ANKS1B: variants seen among roughly 807,000 people sequenced by gnomAD.
ANKS1B encodes the protein ankyrin repeat and sterile alpha motif domain containing 1B.
In ANKS1B, 36 loss-of-function variants were observed where a neutral mutation model predicts 148.3. The observed-to-expected ratio is 0.24, with a 90% CI of 0.19 to 0.32. ANKS1B has a LOEUF of 0.32. Ranked by LOEUF, ANKS1B falls within the 10% of genes least tolerant of loss-of-function variation. The pLI is 1.00. For synonymous variants in ANKS1B, 542 were observed against 560.8 expected (o/e 0.97, Z 0.47); for missense variants, 1,157 against 1,542.6 (o/e 0.75, Z 4.19).
At chr12:99,665,162 T>TA (rs1348974631) in intron 8 of ANKS1B, among the ~76,000 whole-genome samples, 2 of 152,210 alleles carry the variant, frequency 1.3e-5, no homozygotes, top group African/African-American at 2.4e-5. Flanking sequence ...ACACGGTAAA[T>TA]GCATCAAACT....
intron 14 of ANKS1B, among the ~76,000 whole-genome samples, chr12:99,191,806 A>G (rs1201638738): frequency 6.6e-6 from 1 of 152,150 alleles, no homozygotes; most frequent in Non-Finnish European, 1.5e-5. Flanking sequence ...ACAAACCTGC[A>G]TGTTCTCCAC....
At chr12:99,655,420 CTT>C (rs2098445380) in intron 8 of ANKS1B, among the ~76,000 whole-genome samples, 1 of 151,796 alleles carries the variant, frequency 6.6e-6, no homozygotes, top group Admixed American at 6.6e-5. Flanking sequence ...GTGTGAAAGA[CTT>C]ATAAAATAAT....
At chr12:99,653,678 CTTTTTT>C (rs199988255) in intron 9 of ANKS1B, among the ~76,000 whole-genome samples, 2 of 113,580 alleles carry the variant, frequency 1.8e-5, no homozygotes, top group Non-Finnish European at 3.7e-5. Context: ...TTCTTTCTTT[CTTTTTT>C]TTTTTTTTTT....
intron 17 of ANKS1B, 111 bp from the exon 18 acceptor site, chr12:98,832,247 T>C: frequency 2.5e-6 from 2 of 786,968 alleles, no homozygotes; most frequent in African/African-American, 1.7e-5. Flanking sequence ...TCCTGCACCA[T>C]GAGATGTGGT....
At chr12:98,887,010 CTCAG>C (rs1423160606) in intron 17 of ANKS1B, among the ~76,000 whole-genome samples, 2 of 152,030 alleles carry the variant, frequency 1.3e-5, no homozygotes, top group Non-Finnish European at 2.9e-5. Flanking sequence ...AATCAAAGAA[CTCAG>C]TCAGAATGAA....
chr12:99,878,370 A>G (rs568455932), intron 1 of ANKS1B, among the ~76,000 whole-genome samples: 3 of 152,234 alleles, frequency 2.0e-5, no homozygotes, highest in Non-Finnish European at 4.4e-5. Context: ...CGGCCTCTAC[A>G]ATGAAGAAAA....
At chr12:99,284,464 T>C (rs1027508777) in intron 12 of ANKS1B, among the ~76,000 whole-genome samples, 1 of 152,212 alleles carries the variant, frequency 6.6e-6, no homozygotes, top group Non-Finnish European at 1.5e-5. Flanking sequence ...TATTCCAAAT[T>C]ATAAGTCCCT....
intron 9 of ANKS1B, among the ~76,000 whole-genome samples, chr12:99,560,840 C>CTTTTTTTTTT (rs58588885): frequency 5.6e-4 from 40 of 71,924 alleles, no homozygotes; most frequent in Non-Finnish European, 6.5e-4. Flanking sequence ...TTTCTTTTTT[C>CTTTTTTTTTT]TTTTTTTTTT....
At chr12:98,962,399 T>C (rs1394992344) in intron 17 of ANKS1B, among the ~76,000 whole-genome samples, 1 of 148,708 alleles carries the variant, frequency 6.7e-6, no homozygotes, top group African/African-American at 2.4e-5. Flanking sequence ...TATATATATA[T>C]ATAATATATA....
chr12:99,614,246 C>A (rs1280580604), intron 9 of ANKS1B, among the ~76,000 whole-genome samples: 1 of 151,836 alleles, frequency 6.6e-6, no homozygotes, highest in Non-Finnish European at 1.5e-5. Flanking sequence ...ACCAGCCTGG[C>A]CAATATGGCA....
chr12:99,569,225 A>G (rs548412500), intron 9 of ANKS1B, among the ~76,000 whole-genome samples: 1 of 152,336 alleles, frequency 6.6e-6, no homozygotes, highest in African/African-American at 2.4e-5. Flanking sequence ...ATTTAGAAGA[A>G]TAATGGATGT....
rs1243915054 is a variant in ANKS1B at position 99,884,911 on chromosome 12, A to C, written c.135-59522T>G. On this transcript the variant is annotated intron_variant, in intron 1 of 26. Coordinates refer to ENST00000683438, the MANE Select transcript of ANKS1B (RefSeq NM_001352186.2). ...TGCATTTTAACGTTTTTAAATTTTA[A>C]AACAAATTTACCTATTTAAAAAAAA... Among the ~76,000 whole-genome samples, 4 of 152,050 alleles carry C rather than the reference A, an allele frequency of 2.6e-5. No homozygotes were observed. In the East Asian group the frequency reaches 7.7e-4, roughly 29 times the overall value.
chr12:99,211,631 G>A (rs1210380933), intron 14 of ANKS1B, among the ~76,000 whole-genome samples: 4 of 152,140 alleles, frequency 2.6e-5, no homozygotes, highest in East Asian at 3.9e-4. Flanking sequence ...CACCAGGAAG[G>A]ACCCGCTCCA....
At chr12:99,649,397 G>A in intron 9 of ANKS1B, 2 of 1,609,436 alleles carry the variant, frequency 1.2e-6, no homozygotes, top group Non-Finnish European at 1.7e-6. Flanking sequence ...ATAGAGATAT[G>A]AATCCAACAT....
intron 17 of ANKS1B, among the ~76,000 whole-genome samples, chr12:99,039,084 C>T (rs978636052): frequency 1.3e-5 from 2 of 152,198 alleles, no homozygotes; most frequent in African/African-American, 2.4e-5. Flanking sequence ...AGTAGGTGTT[C>T]AGTAAATATT....
chr12:98,938,642 G>GAC (rs926309544), intron 17 of ANKS1B, among the ~76,000 whole-genome samples: 8 of 152,150 alleles, frequency 5.3e-5, no homozygotes, highest in East Asian at 1.9e-4. Context: ...CTTGGGGGAA[G>GAC]ACACACACAC....
intron 1 of ANKS1B, among the ~76,000 whole-genome samples, chr12:99,948,952 T>C (rs1033758800): frequency 1.3e-5 from 2 of 152,124 alleles, no homozygotes; most frequent in Non-Finnish European, 2.9e-5. Context: ...CTGCTAAGTG[T>C]TGGGGGATAG....
intron 17 of ANKS1B, among the ~76,000 whole-genome samples, chr12:98,918,582 T>C (rs2099797445): frequency 6.6e-6 from 1 of 152,238 alleles, no homozygotes; most frequent in African/African-American, 2.4e-5. Context: ...GCATTTCTGA[T>C]GAGTTTCTCT....
chr12:99,821,470 CAAAAA>C (rs5800383), intron 2 of ANKS1B, among the ~76,000 whole-genome samples: 1 of 145,896 alleles, frequency 6.9e-6, no homozygotes, highest in Non-Finnish European at 1.5e-5. Flanking sequence ...TCTAAATCAC[CAAAAA>C]AAAAAAAAAT....
Sources: gnomAD v4.1 joint callset for allele counts (sites outside exome capture counted in the v4.1 genomes callset) on GRCh38, gnomAD v4.1.1 for gene constraint, MANE v1.5 for transcripts, NCBI Gene and HGNC (gene_info 2026-07-23, HGNC 2026-07-21) for gene names.